ZNF536: variants seen among roughly 807,000 people sequenced by gnomAD.
ZNF536 encodes the protein zinc finger protein 536.
ZNF536 carries 13 observed loss-of-function variants against 84.5 expected under a neutral mutation model. That is an observed-to-expected ratio of 0.15 (90% CI 0.10 to 0.24). The LOEUF is 0.24. Ranked by LOEUF, ZNF536 falls within the 10% of genes least tolerant of loss-of-function variation. ZNF536 has a pLI of 1.00. For missense variants in ZNF536, 1,536 were observed against 1,747.5 expected (o/e 0.88, Z 2.16); for synonymous variants, 811 against 742.5 (o/e 1.09, Z -1.50).
intron 2 of ZNF536, among the ~76,000 whole-genome samples, chr19:30,524,201 G>A (rs1568514489): frequency 1.3e-5 from 2 of 152,196 alleles, no homozygotes; most frequent in African/African-American, 4.8e-5. Context: ...GTACAGCCTG[G>A]GAGAGGTAAT....
At chr19:30,620,028 GC>G (rs2048425723) in intron 1 of ZNF536, among the ~76,000 whole-genome samples, 1 of 52,356 alleles carries the variant, frequency 1.9e-5, no homozygotes, top group South Asian at 1.6e-3. Flanking sequence ...CTTCCTCTAT[GC>G]TTTTTTTTTT....
At chr19:30,656,348 A>G (rs1250054464) in intron 1 of ZNF536, among the ~76,000 whole-genome samples, 1 of 152,222 alleles carries the variant, frequency 6.6e-6, no homozygotes, top group Non-Finnish European at 1.5e-5. Context: ...ACCATTTTCC[A>G]TCATAAGAAA....
At chr19:30,353,666 T>C (rs1004131700) in intron 3 of ZNF536, among the ~76,000 whole-genome samples, 2 of 152,066 alleles carry the variant, frequency 1.3e-5, no homozygotes, top group African/African-American at 4.8e-5. Flanking sequence ...GCAGGAGCAA[T>C]TTTTGGTTCC....
At chr19:30,571,718 C>T (rs892206018) in intron 1 of ZNF536, among the ~76,000 whole-genome samples, 1 of 152,116 alleles carries the variant, frequency 6.6e-6, no homozygotes, top group African/African-American at 2.4e-5. Flanking sequence ...GGTCTCAGGC[C>T]CCTCTCACCA....
At chr19:30,709,147 G>T (rs912223800) in intron 1 of ZNF536, among the ~76,000 whole-genome samples, 1 of 152,180 alleles carries the variant, frequency 6.6e-6, no homozygotes, top group Non-Finnish European at 1.5e-5. Flanking sequence ...ACGCATCAGG[G>T]TAGAGATGTT....
intron 2 of ZNF536, among the ~76,000 whole-genome samples, chr19:30,455,688 A>G (rs1293246496): frequency 2.0e-5 from 3 of 152,228 alleles, no homozygotes; most frequent in African/African-American, 7.2e-5. Context: ...GCAACAGAGC[A>G]AGACCCTGTC....
intron 2 of ZNF536, among the ~76,000 whole-genome samples, chr19:30,299,692 T>TAGA (rs1478995011): frequency 6.6e-6 from 1 of 152,196 alleles, no homozygotes; most frequent in East Asian, 1.9e-4. Flanking sequence ...TTGGTAAAAA[T>TAGA]AGAAGATCTA....
chr19:30,393,347 A>G (rs1462267347), intron 1 of ZNF536, among the ~76,000 whole-genome samples: 1 of 152,220 alleles, frequency 6.6e-6, no homozygotes, highest in Non-Finnish European at 1.5e-5. Context: ...GGTCTGATTC[A>G]TTCATTTCTT....
At chr19:30,621,705 G>A (rs2048488312) in intron 1 of ZNF536, among the ~76,000 whole-genome samples, 1 of 152,294 alleles carries the variant, frequency 6.6e-6, no homozygotes, top group Middle Eastern at 3.4e-3. Context: ...AGCCGGGTGG[G>A]AGCCGGTGTC....
intron 2 of ZNF536, among the ~76,000 whole-genome samples, chr19:30,480,272 C>T (rs1039112793): frequency 7.9e-5 from 12 of 152,134 alleles, no homozygotes; most frequent in East Asian, 1.9e-4. Context: ...CTTCCTTCCC[C>T]GGGACCTCTC....
upstream of ZNF536, among the ~76,000 whole-genome samples, chr19:30,369,201 T>G (rs1352685315): frequency 6.6e-6 from 1 of 152,208 alleles, no homozygotes; most frequent in Non-Finnish European, 1.5e-5. Context: ...TTGTTGCTAT[T>G]AAGTTTTATC....
At chr19:30,493,533 G>T (rs888204168) in intron 2 of ZNF536, among the ~76,000 whole-genome samples, 1 of 152,172 alleles carries the variant, frequency 6.6e-6, no homozygotes, top group Non-Finnish European at 1.5e-5. Flanking sequence ...CCAAGAGAAA[G>T]AAGAAAAACA....
At chr19:30,300,821 A>G (rs1173451012) in intron 2 of ZNF536, among the ~76,000 whole-genome samples, 2 of 151,906 alleles carry the variant, frequency 1.3e-5, no homozygotes, top group East Asian at 2.0e-4. Context: ...CGAGGGCTGG[A>G]CCCAGCGCTT....
chr19:30,432,908 C>T (rs1047141236), intron 1 of ZNF536, among the ~76,000 whole-genome samples: 3 of 152,222 alleles, frequency 2.0e-5, no homozygotes, highest in South Asian at 2.1e-4. Context: ...CAGCCGTTGG[C>T]GTCTTTTTTA....
chr19:30,420,217 G>T (rs989853566), intron 1 of ZNF536, among the ~76,000 whole-genome samples: 6 of 152,184 alleles, frequency 3.9e-5, no homozygotes, highest in African/African-American at 1.4e-4. Context: ...AATCCTTTAA[G>T]GAAGCCATTT....
intron 2 of ZNF536, among the ~76,000 whole-genome samples, chr19:30,490,436 A>G (rs2054463424): frequency 6.6e-6 from 1 of 152,306 alleles, no homozygotes; most frequent in African/African-American, 2.4e-5. Context: ...AGATGAGAAC[A>G]CAGGGGTCTG....
At chr19:30,479,135 G>A (rs1026305984) in intron 2 of ZNF536, among the ~76,000 whole-genome samples, 1 of 152,190 alleles carries the variant, frequency 6.6e-6, no homozygotes, top group African/African-American at 2.4e-5. Flanking sequence ...TAACATCTCA[G>A]TATCAAGACA....
At chr19:30,336,418 G>A (rs2047386430) in intron 2 of ZNF536, among the ~76,000 whole-genome samples, 1 of 152,186 alleles carries the variant, frequency 6.6e-6, no homozygotes, top group South Asian at 2.1e-4. Context: ...CAGGACAAGG[G>A]GAAGGACAGC....
chr19:30,562,362 C>A (rs1029093340), downstream of ZNF536, among the ~76,000 whole-genome samples: 1 of 152,098 alleles, frequency 6.6e-6, no homozygotes, highest in African/African-American at 2.4e-5. Flanking sequence ...TTCCAGTGCA[C>A]GGGCATATGA....
Sources: allele counts gnomAD v4.1 joint callset (sites outside exome capture counted in the v4.1 genomes callset), GRCh38; gene constraint gnomAD v4.1.1; transcripts MANE v1.5; gene names NCBI Gene and HGNC (gene_info 2026-07-23, HGNC 2026-07-21).